Variants in SMG1 observed in about 807,000 individuals in gnomAD.
SMG1 encodes the protein serine/threonine-protein kinase SMG1.
SMG1 carries 22 observed loss-of-function variants against 419.9 expected under a neutral mutation model. The observed-to-expected ratio is 0.05, with a 90% CI of 0.04 to 0.07. The LOEUF (loss-of-function observed/expected upper bound fraction) is 0.07. SMG1 is among the 10% of genes least tolerant of loss of function. The probability of loss-of-function intolerance (pLI) is 1.00; values close to 1 mark genes in which losing one functional copy is unlikely to be tolerated. For synonymous variants in SMG1, 1,538 were observed against 1,553.5 expected (o/e 0.99, Z 0.23); for missense variants, 3,185 against 4,342.0 (o/e 0.73, Z 7.49).
rs112253669 is a variant in SMG1 at position 18,837,999 on chromosome 16, G to A, written c.7413+15C>T. Reference sequence around the variant, plus strand: ...TAAAAAGAAGACAATGACTTATTCCGTCACTGGGCTTCACCTTAATCTCAG... The same window carrying A: ...TAAAAAGAAGACAATGACTTATTCCATCACTGGGCTTCACCTTAATCTCAG... On this transcript the variant is annotated intron_variant, in intron 45 of 62. Transcript: ENST00000446231. The A allele has an allele frequency of 1.7e-3, 2,685 of 1,611,422 alleles. 45 individuals are homozygous for A. In the African/African-American group the frequency reaches 0.03, roughly 18 times the overall value.
At chr16:18,920,671 C>CA (rs990022419) in intron 1 of SMG1, among the ~76,000 whole-genome samples, 1 of 151,036 alleles carries the variant, frequency 6.6e-6, no homozygotes, top group Non-Finnish European at 1.5e-5. Flanking sequence ...CCCATCTCTA[C>CA]AAAAAACAAA....
intron 3 of SMG1, among the ~76,000 whole-genome samples, chr16:18,895,265 G>A (rs2141841486): frequency 6.6e-6 from 1 of 152,186 alleles, no homozygotes; most frequent in East Asian, 1.9e-4. Flanking sequence ...GATCACTTGA[G>A]GTCAGGAGTT....
chr16:18,834,309 C>T lies in SMG1; in HGVS notation c.8460G>A (p.Gln2820=). The change falls in exon 50 of 63, where the codon CAG becomes CAA. Residue 2820 remains glutamine, a synonymous_variant. Coordinates refer to ENST00000446231, the MANE Select transcript of SMG1 (RefSeq NM_015092.5). ...SMSGNVTCLV[Q]LLKQCHLVPQ... is the part of the protein sequence containing the mutation. Reference sequence around the variant, plus strand: ...GCACCAGGTGGCACTGCTTCAGTAACTGAACCAAGCAGGTGACGTTTCCGC... The same window carrying T: ...GCACCAGGTGGCACTGCTTCAGTAATTGAACCAAGCAGGTGACGTTTCCGC... The T allele has an allele frequency of 6.2e-7, 1 of 1,613,050 alleles. No individual in the cohort carries two copies. Among genetic ancestry groups the T allele is most frequent in the South Asian group, 1.1e-5 (1 of 90,792 alleles).
At chr16:18,876,832 G>T (rs965408620) in intron 12 of SMG1, among the ~76,000 whole-genome samples, 1 of 151,540 alleles carries the variant, frequency 6.6e-6, no homozygotes, top group Admixed American at 6.6e-5. Flanking sequence ...AATTTATAAC[G>T]TTATAAATGT....
At chr16:18,905,206 A>G (rs2037512953) in intron 1 of SMG1, among the ~76,000 whole-genome samples, 1 of 152,342 alleles carries the variant, frequency 6.6e-6, no homozygotes, top group Non-Finnish European at 1.5e-5. Context: ...GGTTGCAGTG[A>G]GCTGAGGTCG....
intron 10 of SMG1, among the ~76,000 whole-genome samples, chr16:18,881,416 A>G (rs1484588564): frequency 6.6e-6 from 1 of 152,210 alleles, no homozygotes; most frequent in Non-Finnish European, 1.5e-5. Flanking sequence ...GCAACTTACT[A>G]AAAATTTTAT....
chr16:18,926,152 CGAG>C lies in SMG1; in HGVS notation c.-114_-112del. 6 of 950,846 alleles carry C rather than the reference CGAG, an allele frequency of 6.3e-6. No individual in the cohort carries two copies. The highest frequency in any genetic ancestry group is 5.2e-5 in the South Asian group (3 of 58,182). 58.9% of individuals were successfully genotyped at this position (950,846 alleles called of 1,614,324 possible). ...TCCGGCCCGGGGCTGAGGAGGAAGCCGAGAAGGAGGAGGAGGAGGAGGAGGAGG... is the reference window on the plus strand; with the variant it reads ...TCCGGCCCGGGGCTGAGGAGGAAGCCAAGGAGGAGGAGGAGGAGGAGGAGG... On this transcript the variant is annotated 5_prime_UTR_variant, in exon 1 of 63. Coordinates refer to ENST00000446231, the MANE Select transcript of SMG1 (RefSeq NM_015092.5).
At chr16:18,817,196 T>C in intron 57 of SMG1, 95 bp downstream of exon 57, 2 of 1,095,428 alleles carry the variant, frequency 1.8e-6, no homozygotes, top group Non-Finnish European at 2.5e-6. Flanking sequence ...ATACAGTATA[T>C]GCTCAACGAA....
rs186823737 is a variant in SMG1 at position 18,818,169 on chromosome 16, G to C, written c.9895-699C>G. On this transcript the variant is annotated intron_variant, in intron 56 of 62. Transcript: ENST00000446231. Reference sequence around the variant, plus strand: ...AGGCTGAGGCCAGCGGATCACCTGAGGTCAGGAGTTCGAAACTAACCTGGC... The same window carrying C: ...AGGCTGAGGCCAGCGGATCACCTGACGTCAGGAGTTCGAAACTAACCTGGC... 3.3e-5 allele frequency among the ~76,000 whole-genome samples: 5 copies of C among 152,064 alleles called. No homozygotes were observed. The East Asian group carries it at 9.7e-4, about 29-fold the overall frequency.
At position 18,845,468 on chromosome 16, in the gene SMG1, G is replaced by A; in HGVS notation, c.6180C>T (p.Asn2060=). 6.2e-7 allele frequency: 1 copy of A among 1,613,904 alleles called. No individual in the cohort carries two copies. Among genetic ancestry groups the A allele is most frequent in the South Asian group, 1.1e-5 (1 of 91,078 alleles). ...NALEKLKTPL[N]PAKPGSSWIP... Reference sequence around the variant, plus strand: ...TCCAGCTGCTCCCAGGCTTTGCAGGGTTCAATGGAGTCTTCAGTTTTTCTA... The same window carrying A: ...TCCAGCTGCTCCCAGGCTTTGCAGGATTCAATGGAGTCTTCAGTTTTTCTA... Residue 2060 remains asparagine (N), a synonymous_variant, in exon 39 of 63, where the codon AAC becomes AAT. Coordinates refer to ENST00000446231, the MANE Select transcript of SMG1 (RefSeq NM_015092.5).
At chr16:18,888,552 C>T (rs368522949) in intron 6 of SMG1, among the ~76,000 whole-genome samples, 37 of 151,568 alleles carry the variant, frequency 2.4e-4, no homozygotes, top group African/African-American at 7.5e-4. Flanking sequence ...ACTGCAACCT[C>T]GGCCTCCCAG....
In SMG1 at chr16:18,870,667, C is replaced by T. The variant is rs1330980392; in HGVS notation, c.2435G>A (p.Arg812His). The change falls in exon 18 of 63, where the codon CGT (arginine) becomes CAT (histidine). Residue 812 changes from arginine (R) to histidine (H), a missense_variant. By Grantham distance (29) the Arg-to-His change is conservative. Coordinates refer to ENST00000446231, the MANE Select transcript of SMG1 (RefSeq NM_015092.5). ...CAGTTTTCCAAATGCTTGTCGAATA[C>T]GAGTTCCACTGTGCACTAGTTGAAC... Reference protein sequence around the residue: ...CRVQLVHSGTRIRQAFGKLLK... With the variant: ...CRVQLVHSGTHIRQAFGKLLK... The T allele has an allele frequency of 5.0e-6, 8 of 1,608,640 alleles. No homozygotes were observed. The highest frequency in any genetic ancestry group is 5.9e-6 in the Non-Finnish European group (7 of 1,178,206).
At chr16:18,900,597 G>A (rs2037309156) in intron 1 of SMG1, among the ~76,000 whole-genome samples, 1 of 152,202 alleles carries the variant, frequency 6.6e-6, no homozygotes, top group African/African-American at 2.4e-5. Context: ...ATACCTAGTG[G>A]TGTCACTGGA....
intron 60 of SMG1, among the ~76,000 whole-genome samples, chr16:18,813,106 T>C (rs1173478331): frequency 1.3e-5 from 2 of 152,156 alleles, no homozygotes; most frequent in Admixed American, 1.3e-4. Context: ...TCTTTGCTAT[T>C]GTGAGTAGTG....
At chr16:18,923,110 G>A (rs960732460) in intron 1 of SMG1, among the ~76,000 whole-genome samples, 5 of 152,074 alleles carry the variant, frequency 3.3e-5, no homozygotes, top group African/African-American at 1.2e-4. Context: ...TTGACTGGGA[G>A]CACAGTGAAT....
chr16:18,827,816 C>T (rs968261747), intron 55 of SMG1, among the ~76,000 whole-genome samples: 1 of 139,450 alleles, frequency 7.2e-6, no homozygotes, highest in African/African-American at 2.6e-5. Context: ...TATAAATATA[C>T]CAAAGTATAT....
At position 18,816,574 on chromosome 16, in the gene SMG1, T is replaced by A. The variant is rs139998469; in HGVS notation, c.10075-45A>T. 15 of 1,507,274 alleles carry A rather than the reference T, an allele frequency of 1.0e-5. No homozygotes were observed. In the African/African-American group the frequency reaches 1.8e-4, roughly 18 times the overall value. The allele number at this position is 1,507,274 out of a possible 1,614,324, so 93.4% of individuals were successfully genotyped here. A position where few individuals can be genotyped will look rare whatever the true frequency, so the allele number is the denominator to read the frequency against. ...GTTTGACTTCGAGTATCAGCTGAAA[T>A]AATGAGTTCTTTCTTCATTAACATC... On this transcript the variant is annotated intron_variant, in intron 57 of 62. Coordinates refer to ENST00000446231, the MANE Select transcript of SMG1 (RefSeq NM_015092.5).
At chr16:18,835,440 G>C (rs1440368395) in intron 48 of SMG1, among the ~76,000 whole-genome samples, 9 of 152,060 alleles carry the variant, frequency 5.9e-5, no homozygotes, top group Non-Finnish European at 1.2e-4. Context: ...AGGAGTTCGA[G>C]ACCAGCCTGG....
rs772878896 is a variant in SMG1 at position 18,838,092 on chromosome 16, G to T, written c.7335C>A (p.Ala2445=). Residue 2445 remains alanine (A), a synonymous_variant, in exon 45 of 63, where the codon GCC becomes GCA. Transcript: ENST00000446231. ...GAVYGGGGQQ[A]ESKQSKREME... ...TCTCTCTCTTGCTCTGCTTGCTCTC[G>T]GCCTGCTGGCCACCTCCACCATAGA... 16 of 1,613,872 alleles carry T rather than the reference G, an allele frequency of 9.9e-6. No homozygotes were observed. The highest frequency in any genetic ancestry group is 1.3e-5 in the Non-Finnish European group (15 of 1,179,876).
Sources: allele counts gnomAD v4.1 joint callset (sites outside exome capture counted in the v4.1 genomes callset), GRCh38; gene constraint gnomAD v4.1.1; transcripts MANE v1.5; gene names NCBI Gene and HGNC (gene_info 2026-07-23, HGNC 2026-07-21).